Variants in CTNNA2 observed in about 807,000 individuals in gnomAD.
CTNNA2 encodes the protein catenin alpha-2.
CTNNA2 carries 42 observed loss-of-function variants against 101.0 expected under a neutral mutation model. That is an observed-to-expected ratio of 0.42 (90% CI 0.32 to 0.54). The LOEUF (loss-of-function observed/expected upper bound fraction) is 0.54. Among genes scored for constraint, CTNNA2 ranks in the 20% least tolerant of loss-of-function variants. The probability of loss-of-function intolerance (pLI) is 0.14; values close to 1 mark genes in which losing one functional copy is unlikely to be tolerated. For synonymous variants in CTNNA2, 450 were observed against 456.4 expected, an observed-to-expected ratio of 0.99 and a Z score of 0.18; for missense variants, 871 against 1,223.1, an observed-to-expected ratio of 0.71 and a Z score of 4.29.
chr2:79,337,296 G>A (rs1677017355), intron 3 of CTNNA2, among the ~76,000 whole-genome samples: 1 of 152,130 alleles, frequency 6.6e-6, no homozygotes, highest in Non-Finnish European at 1.5e-5. Context: ...CACACCGTGG[G>A]GGTTTAGAAA....
chr2:80,246,294 A>G (rs1671325840), intron 7 of CTNNA2, among the ~76,000 whole-genome samples: 1 of 152,212 alleles, frequency 6.6e-6, no homozygotes, highest in Non-Finnish European at 1.5e-5. Flanking sequence ...GAAAGCAGAA[A>G]TAAATTGCTG....
intron 2 of CTNNA2, among the ~76,000 whole-genome samples, chr2:79,729,196 T>C (rs1227177458): frequency 6.6e-6 from 1 of 152,102 alleles, no homozygotes; most frequent in Non-Finnish European, 1.5e-5. Context: ...GGGGCTCAAG[T>C]TCAATTATTC....
intron 6 of CTNNA2, among the ~76,000 whole-genome samples, chr2:79,888,338 T>G (rs943388516): frequency 3.3e-5 from 5 of 152,112 alleles, no homozygotes; most frequent in Non-Finnish European, 7.4e-5. Flanking sequence ...AGAATCCATC[T>G]TTTCTGCCCA....
chr2:79,785,100 C>T (rs1194640269), intron 3 of CTNNA2, among the ~76,000 whole-genome samples: 5 of 152,162 alleles, frequency 3.3e-5, no homozygotes, highest in Admixed American at 1.3e-4. Context: ...GGGATGGCCT[C>T]CTATTTGCTT....
intron 7 of CTNNA2, among the ~76,000 whole-genome samples, chr2:79,980,244 AT>A (rs1691161938): frequency 1.3e-5 from 2 of 152,162 alleles, no homozygotes; most frequent in Non-Finnish European, 2.9e-5. Context: ...CTGAAATGAC[AT>A]TGTCATTTTT....
In CTNNA2 at chr2:79,304,249, A is replaced by T. The variant is rs117532340; in HGVS notation, c.-405-8460A>T. On this transcript the variant is annotated intron_variant, in intron 2 of 21. Coordinates refer to the CTNNA2 transcript ENST00000466387. ...TCTGGTACGAAAAACTTAAATTTAT[A>T]TTGAAAATGGATGCCAAGGCAACAT... Among the ~76,000 whole-genome samples the T allele has an allele frequency of 2.7e-3, 417 of 152,292 alleles. 2 individuals carry two copies. Among genetic ancestry groups the T allele is most frequent in the East Asian group, 0.026 (132 of 5,162 alleles).
Position 80,608,175 on chromosome 2 carries a change from G to GT in CTNNA2, c.2296-5dup, listed in dbSNP as rs1310623609. 6.2e-7 allele frequency: 1 copy of GT among 1,605,200 alleles called. No individual in the cohort carries two copies. ...TACTAATCAAGATCACTCTTTTAATGTTTTATAGTGTCCTGATTCAGCATG... is the reference window on the plus strand; with the variant it reads ...TACTAATCAAGATCACTCTTTTAATGTTTTTATAGTGTCCTGATTCAGCATG... On this transcript the variant is annotated splice_polypyrimidine_tract_variant and intron_variant, in intron 16 of 18. Coordinates refer to ENST00000402739, the MANE Select transcript of CTNNA2 (RefSeq NM_001282597.3).
intron 12 of CTNNA2, among the ~76,000 whole-genome samples, chr2:80,572,498 A>T (rs1270232190): frequency 5.3e-5 from 8 of 152,190 alleles, no homozygotes; most frequent in Non-Finnish European, 1.0e-4. Flanking sequence ...ACTTATGGCA[A>T]CGTAGACACC....
chr2:80,221,482 T>A (rs1708572944), intron 7 of CTNNA2, among the ~76,000 whole-genome samples: 1 of 152,186 alleles, frequency 6.6e-6, no homozygotes, highest in Non-Finnish European at 1.5e-5. Context: ...TGACCCATGC[T>A]GGGGCACCAT....
intron 7 of CTNNA2, among the ~76,000 whole-genome samples, chr2:80,170,800 A>G (rs984223077): frequency 6.6e-6 from 1 of 152,210 alleles, no homozygotes; most frequent in Admixed American, 6.5e-5. Flanking sequence ...ATGAATGGTG[A>G]ATAAGCATCT....
intron 9 of CTNNA2, among the ~76,000 whole-genome samples, chr2:80,435,899 A>G (rs981636397): frequency 4.6e-5 from 7 of 152,222 alleles, no homozygotes; most frequent in African/African-American, 1.4e-4. Context: ...GTGCCCTGAC[A>G]TATTGCACAC....
chr2:80,128,992 A>G (rs911662365), intron 7 of CTNNA2, among the ~76,000 whole-genome samples: 3 of 145,738 alleles, frequency 2.1e-5, no homozygotes, highest in Non-Finnish European at 4.6e-5. Flanking sequence ...CATAAATAAC[A>G]TCATATGATC....
intron 2 of CTNNA2, among the ~76,000 whole-genome samples, chr2:79,204,745 C>T (rs141656025): frequency 1.8e-3 from 268 of 152,314 alleles, no homozygotes; most frequent in African/African-American, 6.2e-3. Context: ...CTGTATCCTA[C>T]TTCCAAGATG....
At chr2:80,329,804 A>G (rs1012888467) in intron 7 of CTNNA2, among the ~76,000 whole-genome samples, 2 of 152,182 alleles carry the variant, frequency 1.3e-5, no homozygotes, top group Admixed American at 6.5e-5. Flanking sequence ...CTCAGTATGT[A>G]TGTTCCCTAG....
chr2:79,882,488 C>T (rs1449501501), intron 6 of CTNNA2, among the ~76,000 whole-genome samples: 2 of 152,216 alleles, frequency 1.3e-5, no homozygotes, highest in South Asian at 2.1e-4. Flanking sequence ...GGCACTCTGG[C>T]AGCAGTCTGC....
chr2:80,192,154 C>A (rs1472597924), intron 7 of CTNNA2, among the ~76,000 whole-genome samples: 1 of 152,152 alleles, frequency 6.6e-6, no homozygotes, highest in Non-Finnish European at 1.5e-5. Flanking sequence ...TTTGGAGGAA[C>A]TCTGATCTAA....
intron 4 of CTNNA2, among the ~76,000 whole-genome samples, chr2:79,406,915 T>C (rs1678347511): frequency 6.6e-6 from 1 of 152,056 alleles, no homozygotes; most frequent in Admixed American, 6.6e-5. Context: ...GTTCCATCTC[T>C]CTGATGTCTC....
chr2:79,541,305 C>G (rs1260051819), intron 1 of CTNNA2, among the ~76,000 whole-genome samples: 1 of 143,090 alleles, frequency 7.0e-6, no homozygotes, highest in Non-Finnish European at 1.5e-5. Context: ...TTTTGGAGCT[C>G]TTATATGTAC....
At chr2:79,232,737 G>T (rs1674511574) in intron 2 of CTNNA2, among the ~76,000 whole-genome samples, 1 of 151,970 alleles carries the variant, frequency 6.6e-6, no homozygotes, top group Non-Finnish European at 1.5e-5. Flanking sequence ...GTCTTTTCAG[G>T]TTTTCACTTG....
Sources: gnomAD v4.1 joint callset for allele counts (sites outside exome capture counted in the v4.1 genomes callset) on GRCh38, gnomAD v4.1.1 for gene constraint, MANE v1.5 for transcripts, NCBI Gene and HGNC (gene_info 2026-07-23, HGNC 2026-07-21) for gene names.